GAS6: variants seen among roughly 807,000 people sequenced by gnomAD.
The protein encoded by GAS6 is growth arrest specific 6, also known as growth arrest-specific protein 6.
Under a neutral mutation model 75.8 loss-of-function variants are expected in GAS6, and 41 were observed. The ratio of observed to expected loss-of-function variants is 0.54; its 90% confidence interval spans 0.42 to 0.70. The LOEUF is 0.70. GAS6 is among the 30% of genes least tolerant of loss of function. GAS6 has a pLI of 0.00. For synonymous variants in GAS6, 432 were observed against 412.6 expected (o/e 1.05, Z -0.57); for missense variants, 854 against 940.2 (o/e 0.91, Z 1.20).
At position 113,854,028 on chromosome 13, in the gene GAS6, G is replaced by A. The variant is rs1292619117; in HGVS notation, c.256-5978C>T. Among the ~76,000 whole-genome samples, 4 of 152,228 alleles carry A rather than the reference G, an allele frequency of 2.6e-5. No individual in the cohort carries two copies. In the East Asian group the frequency reaches 7.7e-4, roughly 29 times the overall value. Reference sequence around the variant, plus strand: ...AGAGGACCCCAGGCTGACCTGGAGGGAGACAGGCCCCAGGAAAGCACAGTC... The same window carrying A: ...AGAGGACCCCAGGCTGACCTGGAGGAAGACAGGCCCCAGGAAAGCACAGTC... On this transcript the variant is annotated intron_variant, in intron 2 of 14. Transcript: ENST00000327773.
rs758690045 is a variant in GAS6, at chr13:113,832,768, G to T, written c.835-16C>A. 1 of 1,612,256 alleles carries T rather than the reference G, an allele frequency of 6.2e-7. No individual in the cohort carries two copies. The highest frequency in any genetic ancestry group is 1.3e-5 in the African/African-American group (1 of 74,946). Reference sequence around the variant, plus strand: ...GCAAGATGTCCTGCCACGGACGGGGGCCACGCCGGTCGGGGATGTGGCCTT... The same window carrying T: ...GCAAGATGTCCTGCCACGGACGGGGTCCACGCCGGTCGGGGATGTGGCCTT... On this transcript the variant is annotated splice_polypyrimidine_tract_variant and intron_variant, in intron 8 of 14. Coordinates refer to ENST00000327773, the MANE Select transcript of GAS6 (RefSeq NM_000820.4).
chr13:113,835,105 G>GT (rs1399236269), intron 7 of GAS6, among the ~76,000 whole-genome samples: 1 of 152,224 alleles, frequency 6.6e-6, no homozygotes, highest in Non-Finnish European at 1.5e-5. Flanking sequence ...CAGCCCCACT[G>GT]TTCCCATCAC....
chr13:113,842,270 G>A, intron 4 of GAS6: 1 of 227,932 alleles, frequency 4.4e-6, no homozygotes, highest in Non-Finnish European at 8.0e-6. Flanking sequence ...ACAAATGACT[G>A]ACAACAGAAC....
chr13:113,848,049 T>C lies in GAS6; in HGVS notation c.257A>G (p.Asp86Gly). The C allele has an allele frequency of 6.2e-7, 1 of 1,612,592 alleles. No homozygotes were observed. Among genetic ancestry groups the C allele is most frequent in the Non-Finnish European group, 8.5e-7 (1 of 1,179,620 alleles). The change falls in exon 3 of 15, where the codon GAT (aspartate) becomes GGT (glycine). Residue 86 changes from aspartate to glycine, a missense_variant and splice_region_variant. Transcript: ENST00000327773. The surrounding 1 kb of genome is among the most constrained non-coding windows in gnomAD (Gnocchi z 4.8). ...REVFENDPET[D>G]YFYPRYLDCI... ...ACCTAAGTATCTTGGGTAAAAATAATCCTGTGGAAAAAGAAAAAGAAAAGG... is the reference window on the plus strand; with the variant it reads ...ACCTAAGTATCTTGGGTAAAAATAACCCTGTGGAAAAAGAAAAAGAAAAGG...
rs2051828306 is a variant in GAS6 at position 113,845,706 on chromosome 13, A to G, written c.343+821T>C. The G allele has an allele frequency of 6.6e-6, 1 of 151,578 alleles. No individual in the cohort carries two copies. Among genetic ancestry groups the G allele is most frequent in the African/African-American group, 2.4e-5 (1 of 41,208 alleles). The allele number at this position is 151,578 out of a possible 1,614,324, so 9.4% of individuals were successfully genotyped here. A position where few individuals can be genotyped will look rare whatever the true frequency, so the allele number is the denominator to read the frequency against. On this transcript the variant is annotated intron_variant, in intron 4 of 14. Coordinates refer to ENST00000327773, the MANE Select transcript of GAS6 (RefSeq NM_000820.4). This position sits in a 1 kb window ranked among gnomAD's most constrained non-coding sequence, Gnocchi z 4.3. Reference sequence around the variant, plus strand: ...ACAGTTTATAGGAAAAGAAATACACAGTTTTTAAACCTATGAAGGACAGCT... The same window carrying G: ...ACAGTTTATAGGAAAAGAAATACACGGTTTTTAAACCTATGAAGGACAGCT...
chr13:113,839,953 G>C, intron 4 of GAS6, 103 bp from the exon 5 acceptor site: 1 of 1,540,394 alleles, frequency 6.5e-7, no homozygotes. Context: ...GTCCAGCCCG[G>C]AGGAGCTCTG....
Position 113,837,894 on chromosome 13 carries a change from G to C in GAS6, c.589+175C>G, listed in dbSNP as rs1011706974. ...GGGTGAGTCATCCTGGTGTGGTGCC[G>C]AGCAGCTCCCTGTGCTGCGGCTGGC... On this transcript the variant is annotated intron_variant, in intron 6 of 14. Transcript: ENST00000327773. The surrounding 1 kb of genome is among the most constrained non-coding windows in gnomAD (Gnocchi z 5.1). 2.6e-5 allele frequency among the ~76,000 whole-genome samples: 4 copies of C among 152,114 alleles called. No homozygotes were observed. Among genetic ancestry groups the C allele is most frequent in the Non-Finnish European group, 4.4e-5 (3 of 68,004 alleles).
intron 2 of GAS6, among the ~76,000 whole-genome samples, chr13:113,855,669 C>T (rs906544987): frequency 2.0e-5 from 3 of 152,166 alleles, no homozygotes; most frequent in South Asian, 2.1e-4. Flanking sequence ...AGTCACGCCC[C>T]GGCCTCTCCC....
intron 2 of GAS6, among the ~76,000 whole-genome samples, chr13:113,852,667 C>T (rs927773175): frequency 6.6e-5 from 10 of 152,200 alleles, no homozygotes; most frequent in South Asian, 2.1e-4. Flanking sequence ...AGTCCACCTC[C>T]GCCCCTGCCC....
intron 2 of GAS6, among the ~76,000 whole-genome samples, chr13:113,852,545 G>C (rs2051884176): frequency 6.6e-6 from 1 of 152,196 alleles, no homozygotes; most frequent in African/African-American, 2.4e-5. Context: ...TGTCTGATGA[G>C]TAGATGCCAC....
At chr13:113,828,087 C>T (rs893240935) in intron 11 of GAS6, among the ~76,000 whole-genome samples, 2 of 152,064 alleles carry the variant, frequency 1.3e-5, no homozygotes, top group Admixed American at 6.5e-5. Flanking sequence ...CACGGCGAAA[C>T]CCCGTCTCTA....
intron 13 of GAS6, 36 bp from the exon 14 acceptor site, chr13:113,822,222 C>T (rs1488675141): frequency 6.8e-7 from 1 of 1,467,262 alleles, no homozygotes. Context: ...GGCCTGCCGG[C>T]CACCCCTACG....
intron 2 of GAS6, among the ~76,000 whole-genome samples, chr13:113,849,763 C>T (rs1469287603): frequency 6.6e-6 from 1 of 152,162 alleles, no homozygotes; most frequent in Non-Finnish European, 1.5e-5. Flanking sequence ...TTCGCCACAC[C>T]TATGGGAATG....
chr13:113,826,619 G>A (rs112323630), intron 12 of GAS6, among the ~76,000 whole-genome samples: 3 of 77,826 alleles, frequency 3.9e-5, no homozygotes, highest in African/African-American at 6.9e-5. Flanking sequence ...TCCCGGCGCC[G>A]GCCTCGCAGG....
chr13:113,826,153 G>A (rs932779895), intron 12 of GAS6, among the ~76,000 whole-genome samples: 1 of 152,172 alleles, frequency 6.6e-6, no homozygotes, highest in Admixed American at 6.5e-5. Context: ...ACAGGACTGG[G>A]CCAGCAGCTC....
rs375060835 is a variant in GAS6, at chr13:113,826,573, C to T, written c.1477+423G>A. 8.2e-3 allele frequency among the ~76,000 whole-genome samples: 267 copies of T among 32,400 alleles called. 14 individuals carry two copies. The highest frequency in any genetic ancestry group is 0.03 in the African/African-American group (83 of 2,778). The allele number at this position is 32,400 out of a possible 152,430, so 21.3% of individuals were successfully genotyped here. A position where few individuals can be genotyped will look rare whatever the true frequency, so the allele number is the denominator to read the frequency against. ...CAGGCACCTTCTCTCCCCGGCCTCC[C>T]GGCGCTGGCCTCGCAGGCACCTTCT... On this transcript the variant is annotated intron_variant, in intron 12 of 14. Coordinates refer to ENST00000327773, the MANE Select transcript of GAS6 (RefSeq NM_000820.4).
At position 113,823,482 on chromosome 13, in the gene GAS6, C is replaced by T; in HGVS notation, c.1546G>A (p.Ala516Thr). ...EVEVVAHIRPAADTGVLFALW... is the reference protein window; with the variant it reads ...EVEVVAHIRPTADTGVLFALW... ...GCAAACAGCACGCCTGTGTCTGCGGCTGGGCGGATGTGAGCCACGACTTCT... is the reference window on the plus strand; with the variant it reads ...GCAAACAGCACGCCTGTGTCTGCGGTTGGGCGGATGTGAGCCACGACTTCT... The change falls in exon 13 of 15, where the codon GCC (alanine) becomes ACC (threonine). Residue 516 changes from alanine to threonine, a missense_variant. Transcript: ENST00000327773. The T allele has an allele frequency of 6.2e-7, 1 of 1,612,794 alleles. No homozygotes were observed. The highest frequency in any genetic ancestry group is 8.5e-7 in the Non-Finnish European group (1 of 1,179,956).
At chr13:113,851,321 G>C (rs1191714783) in intron 2 of GAS6, among the ~76,000 whole-genome samples, 1 of 151,812 alleles carries the variant, frequency 6.6e-6, no homozygotes, top group Non-Finnish European at 1.5e-5. Flanking sequence ...CCAGATGAGT[G>C]AATGAATGAG....
chr13:113,839,958 G>A (rs2051758977), intron 4 of GAS6, 108 bp from the exon 5 acceptor site: 1 of 1,530,570 alleles, frequency 6.5e-7, no homozygotes, highest in Non-Finnish European at 8.9e-7. Flanking sequence ...GCCCGGAGGA[G>A]CTCTGAGGGG....
Sources: allele counts gnomAD v4.1 joint callset (sites outside exome capture counted in the v4.1 genomes callset), GRCh38; gene constraint gnomAD v4.1.1; non-coding constraint Gnocchi (gnomAD v3.1); transcripts MANE v1.5; gene names NCBI Gene and HGNC (gene_info 2026-07-23, HGNC 2026-07-21).